DNAJC13: variants seen among roughly 807,000 people sequenced by gnomAD.
DNAJC13 encodes DnaJ heat shock protein family (Hsp40) member C13.
DNAJC13 carries 75 observed loss-of-function variants against 290.5 expected under a neutral mutation model. The observed-to-expected ratio is 0.26, with a 90% CI of 0.21 to 0.31. The LOEUF is 0.31. Among genes scored for constraint, DNAJC13 ranks in the 10% least tolerant of loss-of-function variants. The probability of loss-of-function intolerance (pLI) is 1.00; values close to 1 mark genes in which losing one functional copy is unlikely to be tolerated. For synonymous variants in DNAJC13, 862 were observed against 892.0 expected, an observed-to-expected ratio of 0.97 and a Z score of 0.60; for missense variants, 2,260 against 2,674.5, an observed-to-expected ratio of 0.85 and a Z score of 3.42.
chr3:132,491,453 G>C (rs934689664), intron 32 of DNAJC13, among the ~76,000 whole-genome samples: 2 of 152,044 alleles, frequency 1.3e-5, no homozygotes, highest in Admixed American at 6.6e-5. Flanking sequence ...CACATAATTT[G>C]GATCGATGAA....
intron 4 of DNAJC13, 66 bp downstream of exon 4, chr3:132,447,536 A>T (rs764893445): frequency 7.2e-7 from 1 of 1,390,884 alleles, no homozygotes; most frequent in Admixed American, 3.1e-5. Context: ...GTAGTTACAT[A>T]GAAGTAGAGA....
rs540575487 is a variant in DNAJC13, at chr3:132,454,274, G to A, written c.932+117G>A. On this transcript the variant is annotated intron_variant, in intron 9 of 55. Transcript: ENST00000260818. Reference sequence around the variant, plus strand: ...TTTAAAATCATTTAATTTGGGAAAAGACATTTTCTTGCATATTTAAAATGA... The same window carrying A: ...TTTAAAATCATTTAATTTGGGAAAAAACATTTTCTTGCATATTTAAAATGA... 3.5e-4 allele frequency: 201 copies of A among 570,086 alleles called. 1 individual carries two copies. Among genetic ancestry groups the A allele is most frequent in the South Asian group, 3.4e-3 (149 of 43,380 alleles). The allele number at this position is 570,086 out of a possible 1,614,324, so 35.3% of individuals were successfully genotyped here.
At chr3:132,489,188 A>G (rs576188856) in intron 31 of DNAJC13, among the ~76,000 whole-genome samples, 167 bp downstream of exon 31, 1 of 152,302 alleles carries the variant, frequency 6.6e-6, no homozygotes, top group South Asian at 2.1e-4. Context: ...ATAAAGTCTA[A>G]GCTAATATTT....
rs1201781728 is a variant in DNAJC13, at chr3:132,483,499, A to G, written c.3104A>G (p.Gln1035Arg). Residue 1035 changes from glutamine to arginine, a missense_variant, in exon 28 of 56, where the codon CAG becomes CGG. Gln to Arg is a conservative substitution (Grantham distance 43). Transcript: ENST00000260818. ...AAGTGGTGTCTCTTAGCCAGTGGAC[A>G]GGCTGTCCTGAATGAAACTGACCTT... ...QLKWCLLASG[Q>R]AVLNETDLAT... is the part of the protein sequence containing the mutation. The G allele has an allele frequency of 1.2e-6, 2 of 1,614,138 alleles. No homozygotes were observed. Among genetic ancestry groups the G allele is most frequent in the Non-Finnish European group, 1.7e-6 (2 of 1,179,978 alleles).
intron 29 of DNAJC13, among the ~76,000 whole-genome samples, chr3:132,485,332 G>A (rs373842757): frequency 6.6e-5 from 10 of 151,986 alleles, no homozygotes; most frequent in African/African-American, 2.2e-4. Flanking sequence ...TAGAGCAGGG[G>A]TTTTGCCATG....
chr3:132,457,117 C>T (rs986189381), intron 12 of DNAJC13, 152 bp from the exon 13 acceptor site: 1 of 688,020 alleles, frequency 1.5e-6, no homozygotes, highest in Non-Finnish European at 2.4e-6. Context: ...AAAGAAAAAA[C>T]TATTATGAAG....
chr3:132,533,632 G>A (rs554154233), intron 55 of DNAJC13, among the ~76,000 whole-genome samples: 1 of 152,262 alleles, frequency 6.6e-6, no homozygotes, highest in East Asian at 1.9e-4. Context: ...GGGATTACAG[G>A]TGTGAGCCAC....
chr3:132,528,135 G>T, intron 53 of DNAJC13, 54 bp from the exon 54 acceptor site: 1 of 1,600,764 alleles, frequency 6.2e-7, no homozygotes, highest in Non-Finnish European at 8.5e-7. Flanking sequence ...TATTTCTTCA[G>T]TGGATGATTT....
chr3:132,495,581 A>G (rs1357043495), intron 35 of DNAJC13, among the ~76,000 whole-genome samples: 4 of 152,182 alleles, frequency 2.6e-5, no homozygotes, highest in Admixed American at 6.6e-5. Flanking sequence ...TAACTGAAGA[A>G]ACAGAAAATT....
intron 55 of DNAJC13, among the ~76,000 whole-genome samples, chr3:132,534,608 C>T (rs1331320691): frequency 6.6e-6 from 1 of 152,094 alleles, no homozygotes; most frequent in Non-Finnish European, 1.5e-5. Flanking sequence ...CTCTCACCAC[C>T]ACACTCCAGC....
chr3:132,423,755 G>A (rs1939021820), intron 1 of DNAJC13, among the ~76,000 whole-genome samples: 1 of 152,158 alleles, frequency 6.6e-6, no homozygotes, highest in African/African-American at 2.4e-5. Context: ...TCTTTTAATA[G>A]TATAAAAAGA....
chr3:132,429,024 C>T (rs1184195740), intron 1 of DNAJC13, among the ~76,000 whole-genome samples: 2 of 152,032 alleles, frequency 1.3e-5, no homozygotes, highest in East Asian at 1.9e-4. Flanking sequence ...TGAGCTACGG[C>T]GCCCAGCCAA....
chr3:132,488,017 G>A (rs912007258), intron 29 of DNAJC13, among the ~76,000 whole-genome samples: 1 of 152,156 alleles, frequency 6.6e-6, no homozygotes, highest in Non-Finnish European at 1.5e-5. Context: ...TGCACAAGAA[G>A]CAATGTTACC....
In DNAJC13 at chr3:132,516,721, C is replaced by T. The variant is rs770724078; in HGVS notation, c.5578C>T (p.Leu1860=). The T allele has an allele frequency of 1.0e-4, 162 of 1,612,536 alleles. No homozygotes were observed. Among genetic ancestry groups the T allele is most frequent in the Non-Finnish European group, 1.3e-4 (159 of 1,179,484 alleles). The change falls in exon 48 of 56, where the codon CTG becomes TTG. Residue 1860 remains leucine, a synonymous_variant. Coordinates refer to ENST00000260818, the MANE Select transcript of DNAJC13 (RefSeq NM_015268.4). ...AMAKGALIYL[L]DMFCNSTHPQ... ...CTTCATAGGTGCTTTGATCTATTTA[C>T]TGGATATGTTCTGCAATTCAACACA...
At chr3:132,498,981 G>A (rs1000324842) in intron 36 of DNAJC13, 145 bp from the exon 37 acceptor site, 20 of 663,296 alleles carry the variant, frequency 3.0e-5, no homozygotes, top group Admixed American at 1.9e-4. Context: ...CTCCCAAAGT[G>A]CTGGGATTAC....
rs1294096297 is a variant in DNAJC13, at chr3:132,446,451, T to G, written c.69-24T>G. 4 of 1,567,792 alleles carry G rather than the reference T, an allele frequency of 2.6e-6. No individual in the cohort carries two copies. The African/African-American group carries it at 5.5e-5, about 21-fold the overall frequency. ...AATATCTTTTTGTTTAAAACTAAAT[T>G]TAAGCACTTGTTTTCCTTTGTAGGT... On this transcript the variant is annotated intron_variant, in intron 2 of 55. Coordinates refer to ENST00000260818, the MANE Select transcript of DNAJC13 (RefSeq NM_015268.4).
intron 55 of DNAJC13, among the ~76,000 whole-genome samples, chr3:132,536,818 G>A (rs1319071487): frequency 6.6e-6 from 1 of 152,150 alleles, no homozygotes; most frequent in Non-Finnish European, 1.5e-5. Context: ...GCTCAAGGCA[G>A]GAGTTGATAG....
chr3:132,478,982 T>C (rs993014377), intron 24 of DNAJC13, among the ~76,000 whole-genome samples: 1 of 152,232 alleles, frequency 6.6e-6, no homozygotes, highest in Non-Finnish European at 1.5e-5. Flanking sequence ...CTTAAAGCTA[T>C]ATATTAATCT....
rs530053502 is a variant in DNAJC13 at position 132,439,439 on chromosome 3, G to GT, written c.68+4834dup. ...CCAGGAATACTGAGGGGTTTTTTTTGTTTTTTTTTTTTTCCCCTCGCTCTT... is the reference window on the plus strand; with the variant it reads ...CCAGGAATACTGAGGGGTTTTTTTTGTTTTTTTTTTTTTTCCCCTCGCTCTT... On this transcript the variant is annotated intron_variant, in intron 2 of 55. Transcript: ENST00000260818. 5.7e-3 allele frequency among the ~76,000 whole-genome samples: 812 copies of GT among 141,588 alleles called. 5 individuals are homozygous for GT. The highest frequency in any genetic ancestry group is 0.016 in the African/African-American group (618 of 38,834). The allele number at this position is 141,588 out of a possible 152,430, so 92.9% of individuals were successfully genotyped here.
Sources: allele counts gnomAD v4.1 joint callset (sites outside exome capture counted in the v4.1 genomes callset), GRCh38; gene constraint gnomAD v4.1.1; transcripts MANE v1.5; gene names NCBI Gene and HGNC (gene_info 2026-07-23, HGNC 2026-07-21).